LPP: variants seen among roughly 807,000 people sequenced by gnomAD.
LPP encodes LIM domain containing preferred translocation partner in lipoma.
In LPP, 38 loss-of-function variants were observed where a neutral mutation model predicts 60.4. The ratio of observed to expected loss-of-function variants is 0.63; its 90% CI spans 0.49 to 0.83. The LOEUF (loss-of-function observed/expected upper bound fraction) is 0.83, where lower values mean the gene tolerates loss of function less well. Among genes scored for constraint, LPP ranks in the 40% least tolerant of loss-of-function variants. The pLI, the probability that LPP is intolerant of heterozygous loss-of-function variation, is 0.00. For synonymous variants in LPP, 328 were observed against 290.8 expected (o/e 1.13, Z -1.30); for missense variants, 902 against 783.6 (o/e 1.15, Z -1.80).
chr3:188,708,667 A>G (rs1033906673), intron 8 of LPP: 6 of 534,110 alleles, frequency 1.1e-5, no homozygotes, highest in East Asian at 2.9e-5. Flanking sequence ...TTACCAGTCT[A>G]GGCAACATGG....
chr3:188,769,986 T>G (rs1284783228), intron 9 of LPP, among the ~76,000 whole-genome samples: 1 of 152,148 alleles, frequency 6.6e-6, no homozygotes, highest in Non-Finnish European at 1.5e-5. Flanking sequence ...AGAGTTTGGA[T>G]GAATGTCAGC....
intron 10 of LPP, among the ~76,000 whole-genome samples, chr3:188,871,430 T>G (rs1414671847): frequency 6.6e-6 from 1 of 152,252 alleles, no homozygotes; most frequent in East Asian, 1.9e-4. Context: ...GATCTGCTGC[T>G]TAATTCATAT....
At chr3:188,747,823 C>T (rs1362640202) in intron 8 of LPP, among the ~76,000 whole-genome samples, 1 of 152,152 alleles carries the variant, frequency 6.6e-6, no homozygotes, top group Non-Finnish European at 1.5e-5. Context: ...ATGCAGACTA[C>T]AGTTTAGCAA....
At chr3:188,335,894 C>A (rs773993678) in intron 2 of LPP, among the ~76,000 whole-genome samples, 1 of 152,084 alleles carries the variant, frequency 6.6e-6, no homozygotes, top group Admixed American at 6.6e-5. Context: ...AAAAGACTTC[C>A]GCTTGCAATT....
At chr3:188,780,124 G>A (rs996244068) in intron 9 of LPP, among the ~76,000 whole-genome samples, 1 of 152,044 alleles carries the variant, frequency 6.6e-6, no homozygotes, top group Non-Finnish European at 1.5e-5. Context: ...TTTTCTGCCT[G>A]GATAGGACTT....
chr3:188,506,844 C>A (rs1813617695), intron 5 of LPP, among the ~76,000 whole-genome samples: 1 of 152,126 alleles, frequency 6.6e-6, no homozygotes, highest in Non-Finnish European at 1.5e-5. Context: ...GTTGCCCAGG[C>A]TGGAGTGCAG....
At chr3:188,806,661 C>T (rs1288297143) in intron 9 of LPP, among the ~76,000 whole-genome samples, 3 of 151,900 alleles carry the variant, frequency 2.0e-5, no homozygotes, top group African/African-American at 7.2e-5. Flanking sequence ...AATTCCATCT[C>T]ATTTACACTA....
At chr3:188,212,318 G>C (rs1392877207) in intron 1 of LPP, among the ~76,000 whole-genome samples, 1 of 152,184 alleles carries the variant, frequency 6.6e-6, no homozygotes, top group Non-Finnish European at 1.5e-5. Flanking sequence ...CTTAAGATGA[G>C]CTTAAAGCCT....
chr3:188,777,068 A>G (rs1466960669), intron 9 of LPP, among the ~76,000 whole-genome samples: 1 of 152,192 alleles, frequency 6.6e-6, no homozygotes, highest in African/African-American at 2.4e-5. Flanking sequence ...ATCCTTTAGC[A>G]TTTACCACCT....
intron 4 of LPP, among the ~76,000 whole-genome samples, chr3:188,452,355 C>T (rs150225934): frequency 9.2e-5 from 14 of 152,184 alleles, no homozygotes; most frequent in East Asian, 1.9e-4. Flanking sequence ...GCATGTTGTG[C>T]GGCTGACTGG....
At chr3:188,342,064 G>A (rs946909088) in intron 3 of LPP, among the ~76,000 whole-genome samples, 1 of 152,120 alleles carries the variant, frequency 6.6e-6, no homozygotes, top group Admixed American at 6.5e-5. Flanking sequence ...ACTAGTATGT[G>A]GCAGGAGGGC....
intron 7 of LPP, among the ~76,000 whole-genome samples, chr3:188,629,913 C>A (rs965821792): frequency 6.6e-6 from 1 of 151,920 alleles, no homozygotes; most frequent in Non-Finnish European, 1.5e-5. Flanking sequence ...GCTAGAGAAA[C>A]CTAGTAATCA....
intron 3 of LPP, among the ~76,000 whole-genome samples, chr3:188,388,093 A>T (rs1778802746): frequency 6.6e-6 from 1 of 152,074 alleles, no homozygotes; most frequent in African/African-American, 2.4e-5. Context: ...ATTGCCTTTG[A>T]AGATGAGTAC....
chr3:188,459,747 C>T (rs1798570417), intron 4 of LPP, among the ~76,000 whole-genome samples: 1 of 152,086 alleles, frequency 6.6e-6, no homozygotes, highest in Non-Finnish European at 1.5e-5. Context: ...CAACACCAAA[C>T]CTAGTTCTGA....
rs370965135 is a variant in LPP, at chr3:188,399,068, C to G, written c.-9-7044C>G. Among the ~76,000 whole-genome samples, 54 of 152,298 alleles carry G rather than the reference C, an allele frequency of 3.5e-4. No individual in the cohort carries two copies. The South Asian group carries it at 0.011, about 31-fold the overall frequency. On this transcript the variant is annotated intron_variant, in intron 3 of 11. Transcript: ENST00000617246. ...AAGATCTTTCATAGACTCATAAAAGCTTGTGAGCAGAGTTGTCATTTGTAC... is the reference window on the plus strand; with the variant it reads ...AAGATCTTTCATAGACTCATAAAAGGTTGTGAGCAGAGTTGTCATTTGTAC...
intron 3 of LPP, among the ~76,000 whole-genome samples, chr3:188,384,062 C>T (rs1482777010): frequency 6.6e-6 from 1 of 152,154 alleles, no homozygotes; most frequent in African/African-American, 2.4e-5. Context: ...TAATAGGATA[C>T]CCAACATATT....
chr3:188,753,928 A>G (rs538904591), intron 8 of LPP, among the ~76,000 whole-genome samples: 1 of 152,284 alleles, frequency 6.6e-6, no homozygotes, highest in Non-Finnish European at 1.5e-5. Flanking sequence ...ACAGAACTAC[A>G]TGTGTCCTAC....
chr3:188,253,510 C>T (rs535782822), intron 2 of LPP, among the ~76,000 whole-genome samples: 90 of 152,158 alleles, frequency 5.9e-4, no homozygotes, highest in African/African-American at 2.1e-3. Flanking sequence ...TCATACTTCC[C>T]GTGTGATTTG....
At chr3:188,499,386 C>T (rs1184157177) in intron 5 of LPP, among the ~76,000 whole-genome samples, 2 of 152,154 alleles carry the variant, frequency 1.3e-5, no homozygotes, top group Non-Finnish European at 2.9e-5. Flanking sequence ...AAAAGACTGT[C>T]CTTCCTGTAT....
Sources: gnomAD v4.1 joint callset for allele counts (sites outside exome capture counted in the v4.1 genomes callset) on GRCh38, gnomAD v4.1.1 for gene constraint, MANE v1.5 for transcripts, NCBI Gene and HGNC (gene_info 2026-07-23, HGNC 2026-07-21) for gene names.